TSKS: variants seen among roughly 807,000 people sequenced by gnomAD.
TSKS encodes the protein testis-specific serine kinase substrate.
TSKS carries 27 observed loss-of-function variants against 68.0 expected under a neutral mutation model. The ratio of observed to expected loss-of-function variants is 0.40; its 90% confidence interval spans 0.29 to 0.55. The LOEUF (loss-of-function observed/expected upper bound fraction) is 0.55, where lower values mean the gene tolerates loss of function less well. Ranked by LOEUF, TSKS falls within the 20% of genes least tolerant of loss-of-function variation. The probability of loss-of-function intolerance (pLI) is 0.53; values close to 1 mark genes in which losing one functional copy is unlikely to be tolerated. For missense variants in TSKS, 806 were observed against 776.0 expected (o/e 1.04, Z -0.46); for synonymous variants, 331 against 340.4 (o/e 0.97, Z 0.30).
At chr19:49,751,301 CAA>C (rs55750605) in intron 2 of TSKS, among the ~76,000 whole-genome samples, 5,499 of 34,042 alleles carry the variant, frequency 0.16, 41 homozygotes, top group South Asian at 0.28. Flanking sequence ...GATTCCATCT[CAA>C]AAAAAAAAAA....
In TSKS at chr19:49,761,702, G is replaced by A. The variant is rs1047807486; in HGVS notation, c.399+302C>T. ...ACCCAGGCCAGGCACGGGGGCTCTC[G>A]CCTGTAATCCCAGCACTGTGGGAGG... On this transcript the variant is annotated intron_variant, in intron 2 of 10. Transcript: ENST00000246801. Among the ~76,000 whole-genome samples the A allele has an allele frequency of 1.3e-4, 20 of 152,044 alleles. 1 individual carries two copies. Among genetic ancestry groups the A allele is most frequent in the African/African-American group, 2.4e-5 (1 of 41,382 alleles).
rs546390580 is a variant in TSKS, at chr19:49,748,443, G to A, written c.426C>T (p.Arg142=). Residue 142 remains arginine, a synonymous_variant, in exon 3 of 11, where the codon CGC becomes CGT. Transcript: ENST00000246801. The stretch of plus-strand genomic sequence containing the variant: ...TCAAGCTGGTGATGGAGTCTTTGGC[G>A]CGGACCAATCCACTGTTGACCCCAC... The part of the protein sequence containing the change: ...ILSGVNSGLV[R]AKDSITSLKE... 1.2e-4 allele frequency: 201 copies of A among 1,614,196 alleles called. 1 individual carries two copies. The Middle Eastern group carries it at 1.8e-3, about 15-fold the overall frequency.
At chr19:49,748,650 C>T (rs1568563389) in intron 2 of TSKS, among the ~76,000 whole-genome samples, 181 bp from the exon 3 acceptor site, 2 of 152,124 alleles carry the variant, frequency 1.3e-5, no homozygotes, top group African/African-American at 2.4e-5. Context: ...AAACCCAGGG[C>T]ATAAACGACC....
At chr19:49,757,196 G>A (rs2084398968) in intron 2 of TSKS, among the ~76,000 whole-genome samples, 1 of 152,182 alleles carries the variant, frequency 6.6e-6, no homozygotes, top group East Asian at 1.9e-4. Context: ...CCTATGAAGA[G>A]GCCCATGTAG....
At chr19:49,742,140 C>A in intron 8 of TSKS, 120 bp from the exon 9 acceptor site, 2 of 1,129,502 alleles carry the variant, frequency 1.8e-6, no homozygotes, top group South Asian at 1.4e-5. Context: ...CCTATGCAAC[C>A]TTCCCAGCAT....
Position 49,746,627 on chromosome 19 carries a change from A to T in TSKS, c.835T>A (p.Ser279Thr). 6.2e-7 allele frequency: 1 copy of T among 1,610,058 alleles called. No homozygotes were observed. Among genetic ancestry groups the T allele is most frequent in the Non-Finnish European group, 8.5e-7 (1 of 1,179,516 alleles). The change falls in exon 6 of 11, where the codon TCC becomes ACC. Residue 279 changes from serine (S) to threonine (T), a missense_variant. Ser to Thr is a moderately conservative substitution (Grantham distance 58). Coordinates refer to ENST00000246801, the MANE Select transcript of TSKS (RefSeq NM_021733.2). Reference sequence around the variant, plus strand: ...CCTGGCGGGCCGGGGCAGCCCTGGGACGTGGCGGCGGGGCCCAGGCTGTTC... The same window carrying T: ...CCTGGCGGGCCGGGGCAGCCCTGGGTCGTGGCGGCGGGGCCCAGGCTGTTC... ...SWNSLGPAAT[S>T]QGCPGPPGSP...
chr19:49,761,497 AC>A (rs1333398898), intron 2 of TSKS, among the ~76,000 whole-genome samples: 1 of 151,856 alleles, frequency 6.6e-6, no homozygotes, highest in African/African-American at 2.4e-5. Flanking sequence ...TTTCCCTGGT[AC>A]CCCCCAGCCT....
At chr19:49,741,676 C>T (rs189228435) in intron 9 of TSKS, among the ~76,000 whole-genome samples, 9 of 152,256 alleles carry the variant, frequency 5.9e-5, no homozygotes, top group Admixed American at 2.6e-4. Context: ...TCCGAGGTAG[C>T]GTAATGATTG....
At position 49,745,235 on chromosome 19, in the gene TSKS, T is replaced by A; in HGVS notation, c.1154A>T (p.Glu385Val). The A allele has an allele frequency of 6.2e-7, 1 of 1,606,084 alleles. No individual in the cohort carries two copies. Among genetic ancestry groups the A allele is most frequent in the Non-Finnish European group, 8.5e-7 (1 of 1,177,206 alleles). Residue 385 changes from glutamate (E) to valine (V), a missense_variant, in exon 7 of 11, where the codon GAG becomes GTG. Transcript: ENST00000246801. ...EQAQTARDLQELRGRADELCT... is the reference protein window; with the variant it reads ...EQAQTARDLQVLRGRADELCT... The stretch of plus-strand genomic sequence containing the variant: ...CAGCTCATCCGCCCGACCTCGCAGC[T>A]CCTGCAAGTCCCGCGCCGTCTGTGC...
chr19:49,757,343 A>C (rs1416854610), intron 2 of TSKS, among the ~76,000 whole-genome samples: 1 of 152,186 alleles, frequency 6.6e-6, no homozygotes, highest in Non-Finnish European at 1.5e-5. Flanking sequence ...GCCCTGAGCC[A>C]GGCCCACCCA....
In TSKS at chr19:49,746,739, G is replaced by T; in HGVS notation, c.723C>A (p.Ala241=). 6.2e-7 allele frequency: 1 copy of T among 1,601,084 alleles called. No homozygotes were observed. Among genetic ancestry groups the T allele is most frequent in the Non-Finnish European group, 8.5e-7 (1 of 1,178,928 alleles). ...LQDETPRRQE[A]ELQEPEEKQE... is the part of the protein sequence containing the mutation. ...GCTTCTCCTCCGGCTCCTGCAGCTCGGCCTCCTGCCGTCGCGGCGTCTCAT... is the reference window on the plus strand; with the variant it reads ...GCTTCTCCTCCGGCTCCTGCAGCTCTGCCTCCTGCCGTCGCGGCGTCTCAT... The change falls in exon 6 of 11, where the codon GCC becomes GCA. Residue 241 remains alanine, a synonymous_variant. Transcript: ENST00000246801.
At chr19:49,753,836 T>A (rs1054866341) in intron 2 of TSKS, among the ~76,000 whole-genome samples, 1 of 150,704 alleles carries the variant, frequency 6.6e-6, no homozygotes, top group African/African-American at 2.4e-5. Flanking sequence ...TCCTTATGAG[T>A]GGGGAGAATC....
At chr19:49,741,452 C>T (rs963935779) in intron 9 of TSKS, among the ~76,000 whole-genome samples, 2 of 152,136 alleles carry the variant, frequency 1.3e-5, no homozygotes, top group African/African-American at 2.4e-5. Context: ...GTTCCATTTC[C>T]CATAACGCAT....
Position 49,746,508 on chromosome 19 carries a change from C to G in TSKS, c.954G>C (p.Gln318His), listed in dbSNP as rs1193462489. ...RAGEGPYVSE[Q>H]ELQKLFTGIE... ...TGCCGGTGAACAGCTTCTGCAATTC[C>G]TGCTCGCTCACGTAGGGGCCCTCGC... The change falls in exon 6 of 11, where the codon CAG (glutamine) becomes CAC (histidine). Residue 318 changes from glutamine (Q) to histidine (H), a missense_variant. Transcript: ENST00000246801. 1 of 1,613,954 alleles carries G rather than the reference C, an allele frequency of 6.2e-7. No individual in the cohort carries two copies.
chr19:49,740,482 T>C (rs187537391), intron 9 of TSKS, among the ~76,000 whole-genome samples: 2 of 152,334 alleles, frequency 1.3e-5, no homozygotes, highest in East Asian at 3.9e-4. Context: ...TGAACTATCC[T>C]ACATTTGATA....
intron 8 of TSKS, among the ~76,000 whole-genome samples, chr19:49,742,493 GC>G (rs1295569983): frequency 2.2e-5 from 3 of 139,330 alleles, no homozygotes; most frequent in Non-Finnish European, 3.1e-5. Flanking sequence ...ACCGGGCCCG[GC>G]CCTTTTTTTT....
chr19:49,745,449 A>C (rs905222008), intron 6 of TSKS, 53 bp from the exon 7 acceptor site: 2 of 1,392,156 alleles, frequency 1.4e-6, no homozygotes, highest in Non-Finnish European at 1.9e-6. Flanking sequence ...ACAGGTCCCC[A>C]CCTACCCCCA....
rs536689214 is a variant in TSKS, at chr19:49,752,700, A to G, written c.400-4231T>C. ...AGGCAATGGATAACAGTTGGGGTAAACAATAAAAAGCAAAAAATCTTAAAA... is the reference window on the plus strand; with the variant it reads ...AGGCAATGGATAACAGTTGGGGTAAGCAATAAAAAGCAAAAAATCTTAAAA... On this transcript the variant is annotated intron_variant, in intron 2 of 10. Transcript: ENST00000246801. Among the ~76,000 whole-genome samples the G allele has an allele frequency of 5.9e-5, 9 of 152,344 alleles. No homozygotes were observed. The East Asian group carries it at 1.7e-3, about 29-fold the overall frequency.
rs763801886 is a variant in TSKS, at chr19:49,748,081, T to C, written c.579+4A>G. The stretch of plus-strand genomic sequence containing the variant: ...CCATCCATTCCTGCGTCCCACTGGC[T>C]CACCTTGAGTTGAATGCAGTACCCC... On this transcript the variant is annotated splice_donor_region_variant and intron_variant, in intron 4 of 10. Coordinates refer to ENST00000246801, the MANE Select transcript of TSKS (RefSeq NM_021733.2). 1.2e-6 allele frequency: 2 copies of C among 1,613,960 alleles called. No individual in the cohort carries two copies. Among genetic ancestry groups the C allele is most frequent in the South Asian group, 1.1e-5 (1 of 91,074 alleles).
Sources: gnomAD v4.1 joint callset for allele counts (sites outside exome capture counted in the v4.1 genomes callset) on GRCh38, gnomAD v4.1.1 for gene constraint, MANE v1.5 for transcripts, NCBI Gene and HGNC (gene_info 2026-07-23, HGNC 2026-07-21) for gene names.